Variants in KLHL3 observed in about 807,000 individuals in gnomAD.
KLHL3 encodes kelch like family member 3.
KLHL3 carries 19 observed loss-of-function variants against 70.5 expected under a neutral mutation model. The observed-to-expected ratio is 0.27, with a 90% confidence interval of 0.19 to 0.40. The LOEUF (loss-of-function observed/expected upper bound fraction) is 0.40, where lower values mean the gene tolerates loss of function less well. KLHL3 is among the 10% of genes least tolerant of loss of function. The pLI is 1.00. For synonymous variants in KLHL3, 258 were observed against 290.3 expected, an observed-to-expected ratio of 0.89 and a Z score of 1.13; for missense variants, 512 against 771.1, an observed-to-expected ratio of 0.66 and a Z score of 3.98.
At chr5:137,632,242 A>T (rs1484930978) in intron 12 of KLHL3, among the ~76,000 whole-genome samples, 1 of 152,226 alleles carries the variant, frequency 6.6e-6, no homozygotes, top group Admixed American at 6.5e-5. Flanking sequence ...GTATCACATT[A>T]CCTGACTTCA....
chr5:137,696,922 G>A (rs1008210254), intron 4 of KLHL3, among the ~76,000 whole-genome samples: 7 of 152,152 alleles, frequency 4.6e-5, no homozygotes, highest in Non-Finnish European at 8.8e-5. Context: ...TCCAAGGTAC[G>A]TGTGCCTGGG....
intron 10 of KLHL3, 29 bp from the exon 11 acceptor site, chr5:137,637,424 C>G (rs370987663): frequency 6.3e-7 from 1 of 1,598,872 alleles, no homozygotes; most frequent in Non-Finnish European, 8.6e-7. Flanking sequence ...ATGAGACTTC[C>G]GTGGCACCAG....
At chr5:137,707,486 A>G (rs1404857604) in intron 3 of KLHL3, 1 of 152,524 alleles carries the variant, frequency 6.6e-6, no homozygotes, top group Non-Finnish European at 1.5e-5. Context: ...GTTAAAATAT[A>G]TATTTTGTAT....
intron 10 of KLHL3, 33 bp downstream of exon 10, chr5:137,638,920 C>A (rs1561586124): frequency 3.1e-6 from 5 of 1,599,314 alleles, no homozygotes; most frequent in Non-Finnish European, 4.3e-6. Context: ...GTGTCCCAGG[C>A]TAGGAGGGGT....
chr5:137,638,884 G>A (rs1750835843), intron 10 of KLHL3, 69 bp downstream of exon 10: 15 of 1,472,824 alleles, frequency 1.0e-5, no homozygotes, highest in Non-Finnish European at 1.4e-5. Flanking sequence ...AGAACTGGCT[G>A]AATAAAACAG....
At chr5:137,692,524 C>T in intron 4 of KLHL3, 77 bp from the exon 5 acceptor site, 3 of 1,386,636 alleles carry the variant, frequency 2.2e-6, no homozygotes, top group Non-Finnish European at 3.0e-6. Context: ...TCATATCACT[C>T]CCATGCTCAA....
chr5:137,620,107 A>C lies in KLHL3; in HGVS notation c.*1991T>G, dbSNP rs1218809772. The C allele has an allele frequency of 6.6e-6, 1 of 152,230 alleles. No individual in the cohort carries two copies. The highest frequency in any genetic ancestry group is 1.5e-5 in the Non-Finnish European group (1 of 68,048). The allele number at this position is 152,230 out of a possible 1,614,324, so 9.4% of individuals were successfully genotyped here. A position where few individuals can be genotyped will look rare whatever the true frequency, so the allele number is the denominator to read the frequency against. On this transcript the variant is annotated 3_prime_UTR_variant, in exon 15 of 15. Transcript: ENST00000309755. The stretch of plus-strand genomic sequence containing the variant: ...CAGGTAGAGTTATGAAGCCACAGTC[A>C]TCCCCACTTCATAGTGAGACCAGAG...
intron 13 of KLHL3, chr5:137,627,984 T>G (rs1159627307): frequency 9.6e-6 from 3 of 312,590 alleles, no homozygotes; most frequent in East Asian, 1.4e-4. Context: ...CTAAAGCTGT[T>G]GGGCAGCGGG....
chr5:137,685,864 GA>G (rs1215596955), intron 5 of KLHL3, among the ~76,000 whole-genome samples: 1 of 152,182 alleles, frequency 6.6e-6, no homozygotes, highest in Non-Finnish European at 1.5e-5. Flanking sequence ...CATATACAAT[GA>G]AAAAGATTTG....
Position 137,620,412 on chromosome 5 carries a change from A to G in KLHL3, c.*1686T>C, listed in dbSNP as rs1029614636. ...TAACTGCAGGGGCTGGGGGATGCCAATCTCCTGCAGCACCTGCTTGGAAGT... is the reference window on the plus strand; with the variant it reads ...TAACTGCAGGGGCTGGGGGATGCCAGTCTCCTGCAGCACCTGCTTGGAAGT... On this transcript the variant is annotated 3_prime_UTR_variant, in exon 15 of 15. Transcript: ENST00000309755. 6.6e-6 allele frequency: 1 copy of G among 152,188 alleles called. No homozygotes were observed. The highest frequency in any genetic ancestry group is 2.4e-5 in the African/African-American group (1 of 41,456). 9.4% of individuals were successfully genotyped at this position (152,188 alleles called of 1,614,324 possible). A position where few individuals can be genotyped will look rare whatever the true frequency, so the allele number is the denominator to read the frequency against.
At chr5:137,670,434 T>C (rs1464489764) in intron 6 of KLHL3, among the ~76,000 whole-genome samples, 2 of 151,608 alleles carry the variant, frequency 1.3e-5, no homozygotes, top group Admixed American at 1.3e-4. Context: ...TTAAAGACTC[T>C]ACTCTATAAT....
At chr5:137,628,089 A>G (rs1193055921) in intron 13 of KLHL3, 2 of 588,748 alleles carry the variant, frequency 3.4e-6, no homozygotes, top group Non-Finnish European at 6.0e-6. Context: ...GATCCTCTGC[A>G]TCTAGGTTGC....
chr5:137,628,497 G>A, intron 12 of KLHL3, 60 bp from the exon 13 acceptor site: 1 of 1,598,178 alleles, frequency 6.3e-7, no homozygotes, highest in Non-Finnish European at 8.5e-7. Flanking sequence ...GAAATCAGGA[G>A]GCCTGGCATC....
intron 12 of KLHL3, among the ~76,000 whole-genome samples, chr5:137,631,069 C>CAAAAAAAAAAAAAAAAAAAAAA (rs70979549): frequency 9.5e-6 from 1 of 105,790 alleles, no homozygotes; most frequent in Non-Finnish European, 1.9e-5. Flanking sequence ...TCCAAAAATA[C>CAAAAAAAAAAAAAAAAAAAAAA]AAAAAAAAAA....
Position 137,639,835 on chromosome 5 carries a change from C to G in KLHL3, c.1021+25G>C. 2.5e-6 allele frequency: 4 copies of G among 1,578,960 alleles called. No individual in the cohort carries two copies. Among genetic ancestry groups the G allele is most frequent in the Non-Finnish European group, 3.5e-6 (4 of 1,147,964 alleles). ...GTGGGGACCAGCAGGGGAAAAACAG[C>G]TTGCAGAACTGGGAGGCTGCTCACC... On this transcript the variant is annotated intron_variant, in intron 9 of 14. Coordinates refer to ENST00000309755, the MANE Select transcript of KLHL3 (RefSeq NM_017415.3). The surrounding 1 kb of genome is among the most constrained non-coding windows in gnomAD (Gnocchi z 5.0).
At chr5:137,628,540 T>C (rs1309791829) in intron 12 of KLHL3, 103 bp from the exon 13 acceptor site, 40 of 1,319,324 alleles carry the variant, frequency 3.0e-5, no homozygotes, top group Non-Finnish European at 4.1e-5. Flanking sequence ...GTGAGGGGAC[T>C]TGGGGAGTGC....
chr5:137,640,093 T>A, intron 8 of KLHL3, 116 bp from the exon 9 acceptor site: 1 of 829,756 alleles, frequency 1.2e-6, no homozygotes, highest in Non-Finnish European at 2.0e-6. Flanking sequence ...AGATGCCAGT[T>A]TACAGAGCTA....
At chr5:137,631,671 G>A (rs982352355) in intron 12 of KLHL3, among the ~76,000 whole-genome samples, 2 of 152,212 alleles carry the variant, frequency 1.3e-5, no homozygotes, top group Non-Finnish European at 2.9e-5. Flanking sequence ...TCTGATAAGT[G>A]CAATTCATAT....
chr5:137,725,437 T>C (rs1753070841), intron 1 of KLHL3, among the ~76,000 whole-genome samples: 1 of 152,184 alleles, frequency 6.6e-6, no homozygotes, highest in African/African-American at 2.4e-5. Flanking sequence ...CTATAGTCAG[T>C]GTTAATTCAT....
Sources: gnomAD v4.1 joint callset for allele counts (sites outside exome capture counted in the v4.1 genomes callset) on GRCh38, gnomAD v4.1.1 for gene constraint, Gnocchi (gnomAD v3.1) non-coding constraint, MANE v1.5 for transcripts, NCBI Gene and HGNC (gene_info 2026-07-23, HGNC 2026-07-21) for gene names.